The following BMPR1B variants were observed in gnomAD, a reference collection of about 807,000 sequenced individuals.
The protein encoded by BMPR1B is bone morphogenetic protein receptor type 1B.
In BMPR1B, 12 loss-of-function variants were observed where a neutral mutation model predicts 59.1. The observed-to-expected ratio is 0.20, with a 90% CI of 0.13 to 0.33. The LOEUF is 0.33. Among genes scored for constraint, BMPR1B ranks in the 10% least tolerant of loss-of-function variants. The pLI is 1.00. For synonymous variants in BMPR1B, 237 were observed against 207.3 expected, an observed-to-expected ratio of 1.14 and a Z score of -1.23; for missense variants, 550 against 610.9, an observed-to-expected ratio of 0.90 and a Z score of 1.05.
chr4:94,888,937 A>G (rs1294922375), intron 2 of BMPR1B, among the ~76,000 whole-genome samples: 1 of 145,802 alleles, frequency 6.9e-6, no homozygotes, highest in African/African-American at 2.5e-5. Context: ...AAAGCAAGAC[A>G]CTATAAAAAC....
At chr4:95,064,413 A>G (rs1341626688) in intron 3 of BMPR1B, among the ~76,000 whole-genome samples, 1 of 152,126 alleles carries the variant, frequency 6.6e-6, no homozygotes, top group Non-Finnish European at 1.5e-5. Context: ...GCAAGGGTTC[A>G]TGCACAGTTG....
intron 2 of BMPR1B, among the ~76,000 whole-genome samples, chr4:94,899,929 A>G (rs916133660): frequency 6.6e-6 from 1 of 152,002 alleles, no homozygotes; most frequent in Non-Finnish European, 1.5e-5. Flanking sequence ...CTGACAATCT[A>G]TACCAGGCAC....
intron 1 of BMPR1B, among the ~76,000 whole-genome samples, chr4:94,769,514 G>A (rs1257492270): frequency 1.3e-5 from 2 of 152,090 alleles, no homozygotes; most frequent in Admixed American, 1.3e-4. Context: ...GAGGGCTGAG[G>A]CAGGAGAATC....
At chr4:94,822,239 C>T (rs2110656179) in intron 1 of BMPR1B, among the ~76,000 whole-genome samples, 1 of 152,270 alleles carries the variant, frequency 6.6e-6, no homozygotes, top group South Asian at 2.1e-4. Context: ...GCCCCATCAC[C>T]TCCTAAAGGT....
chr4:95,101,620 T>A (rs1017483203), intron 3 of BMPR1B, among the ~76,000 whole-genome samples: 1 of 152,084 alleles, frequency 6.6e-6, no homozygotes, highest in African/African-American at 2.4e-5. Context: ...TCAGCTTTTG[T>A]AGCTTTATTA....
intron 3 of BMPR1B, among the ~76,000 whole-genome samples, chr4:95,003,867 G>A (rs891421853): frequency 1.5e-5 from 2 of 130,122 alleles, no homozygotes; most frequent in Non-Finnish European, 3.1e-5. Flanking sequence ...GAGTGCAGTG[G>A]CACAATCTCA....
intron 2 of BMPR1B, among the ~76,000 whole-genome samples, chr4:94,970,608 C>T (rs114288572): frequency 0.012 from 1,843 of 152,108 alleles, 22 homozygotes; most frequent in Admixed American, 0.018. Context: ...CCACCACACC[C>T]GGCCTGTTCA....
intron 1 of BMPR1B, among the ~76,000 whole-genome samples, chr4:94,862,944 CA>C (rs768809079): frequency 0.053 from 2,494 of 47,258 alleles, 49 homozygotes; most frequent in East Asian, 0.23. Flanking sequence ...GACTCCGTCT[CA>C]AAAAAAAAAA....
At chr4:95,009,246 G>A (rs529198841) in intron 3 of BMPR1B, among the ~76,000 whole-genome samples, 13 of 152,202 alleles carry the variant, frequency 8.5e-5, no homozygotes, top group East Asian at 7.7e-4. Flanking sequence ...ATATTTTTCC[G>A]CAGCAATTCT....
At chr4:94,913,157 TATG>T (rs1196724377) in intron 2 of BMPR1B, among the ~76,000 whole-genome samples, 3 of 152,192 alleles carry the variant, frequency 2.0e-5, no homozygotes, top group African/African-American at 7.2e-5. Flanking sequence ...AAGAGTCTAT[TATG>T]AAATAATTTT....
At chr4:94,841,976 G>A (rs901955968) in intron 1 of BMPR1B, among the ~76,000 whole-genome samples, 3 of 152,058 alleles carry the variant, frequency 2.0e-5, no homozygotes, top group South Asian at 2.1e-4. Flanking sequence ...ATAATAACAT[G>A]GATCCCCAGT....
intron 10 of BMPR1B, among the ~76,000 whole-genome samples, chr4:95,145,384 C>T (rs551824938): frequency 6.2e-4 from 94 of 152,334 alleles, no homozygotes; most frequent in Admixed American, 2.1e-3. Flanking sequence ...CCATAGCCCT[C>T]TGTGGACAAG....
chr4:95,050,262 G>A (rs1367765145), intron 3 of BMPR1B, among the ~76,000 whole-genome samples: 2 of 152,102 alleles, frequency 1.3e-5, no homozygotes, highest in Non-Finnish European at 2.9e-5. Flanking sequence ...CTCAAAGACA[G>A]TTCTTTTTAA....
chr4:94,890,388 T>A (rs944613559), intron 2 of BMPR1B, among the ~76,000 whole-genome samples: 7 of 152,126 alleles, frequency 4.6e-5, no homozygotes, highest in South Asian at 2.1e-4. Flanking sequence ...TCTTCCCACT[T>A]TTATGAACAA....
chr4:95,141,238 T>G (rs1734210875), intron 10 of BMPR1B, among the ~76,000 whole-genome samples: 1 of 152,224 alleles, frequency 6.6e-6, no homozygotes, highest in South Asian at 2.1e-4. Flanking sequence ...TTGCTTTATG[T>G]GTTTCTTTAG....
intron 3 of BMPR1B, among the ~76,000 whole-genome samples, chr4:95,093,180 ACTTG>A (rs553940585): frequency 2.8e-3 from 421 of 152,190 alleles, no homozygotes; most frequent in Middle Eastern, 6.8e-3. Flanking sequence ...AATCATGGTT[ACTTG>A]CTTGTCAAGT....
intron 3 of BMPR1B, among the ~76,000 whole-genome samples, chr4:95,086,931 T>C (rs1729620977): frequency 6.6e-6 from 1 of 151,898 alleles, no homozygotes; most frequent in Admixed American, 6.6e-5. Context: ...GAAAAATAAA[T>C]TCTAAATGTT....
At chr4:94,866,223 C>T (rs1483100642) in intron 1 of BMPR1B, among the ~76,000 whole-genome samples, 1 of 152,144 alleles carries the variant, frequency 6.6e-6, no homozygotes, top group Admixed American at 6.5e-5. Context: ...ATATTCCAAT[C>T]CTTTTTCAGA....
chr4:95,104,711 T>C (rs1731079084), intron 4 of BMPR1B, 144 bp downstream of exon 4: 1 of 1,093,946 alleles, frequency 9.1e-7, no homozygotes, highest in Non-Finnish European at 1.3e-6. Flanking sequence ...GTGCTTGTAT[T>C]AGAGAAATAT....
Sources: gnomAD v4.1 joint callset for allele counts (sites outside exome capture counted in the v4.1 genomes callset) on GRCh38, gnomAD v4.1.1 for gene constraint, MANE v1.5 for transcripts, NCBI Gene and HGNC (gene_info 2026-07-23, HGNC 2026-07-21) for gene names.